PCDHA9: variants seen among roughly 807,000 people sequenced by gnomAD.
The protein encoded by PCDHA9 is protocadherin alpha-9.
A neutral mutation model predicts 62.0 loss-of-function variants in PCDHA9; 62 were observed. The observed-to-expected ratio is 1.00, with a 90% confidence interval of 0.81 to 1.23. The LOEUF (loss-of-function observed/expected upper bound fraction) is 1.23. Among genes scored for constraint, PCDHA9 ranks in the 50% most tolerant of loss-of-function variants. The pLI, the probability that PCDHA9 is intolerant of heterozygous loss-of-function variation, is 0.00. For missense variants in PCDHA9, 1,205 were observed against 1,249.8 expected (o/e 0.96, Z 0.54); for synonymous variants, 557 against 567.6 (o/e 0.98, Z 0.27).
intron 1 of PCDHA9, among the ~76,000 whole-genome samples, chr5:140,888,973 A>G (rs1173174070): frequency 2.6e-5 from 4 of 152,078 alleles, no homozygotes; most frequent in African/African-American, 9.7e-5. Flanking sequence ...TAATGTGTTG[A>G]ATTTATGATT....
At chr5:140,967,128 T>G in intron 1 of PCDHA9, 14 of 1,612,170 alleles carry the variant, frequency 8.7e-6, no homozygotes, top group Non-Finnish European at 1.1e-5. Flanking sequence ...CTGCTCAGCT[T>G]GGAAGTGCTG....
chr5:140,886,158 C>A (rs888588847), intron 1 of PCDHA9, among the ~76,000 whole-genome samples: 2 of 152,142 alleles, frequency 1.3e-5, no homozygotes, highest in South Asian at 4.1e-4. Context: ...CTTTTTATAG[C>A]CACATCTGCT....
At chr5:140,938,205 C>T (rs1435832298) in intron 1 of PCDHA9, among the ~76,000 whole-genome samples, 3 of 152,160 alleles carry the variant, frequency 2.0e-5, no homozygotes, top group Non-Finnish European at 4.4e-5. Context: ...GCCAGCCTCC[C>T]AAAGTGCTGG....
intron 1 of PCDHA9, chr5:140,966,905 T>C (rs1554228876): frequency 1.9e-6 from 3 of 1,600,790 alleles, no homozygotes; most frequent in Non-Finnish European, 2.5e-6. Flanking sequence ...GCTGCGATAC[T>C]CTGTGCCAGA....
At chr5:140,927,395 A>G (rs782188555) in intron 1 of PCDHA9, 3 of 1,614,194 alleles carry the variant, frequency 1.9e-6, no homozygotes, top group South Asian at 2.2e-5. Context: ...CCCAGTCAGC[A>G]CTTTCGCCTG....
chr5:140,861,715 C>A, intron 1 of PCDHA9: 1 of 216,886 alleles, frequency 4.6e-6, no homozygotes, highest in South Asian at 7.0e-5. Flanking sequence ...ACGTCGGGGC[C>A]AATGCTCTGA....
chr5:140,954,025 C>T (rs533473552), intron 1 of PCDHA9, among the ~76,000 whole-genome samples: 385 of 152,188 alleles, frequency 2.5e-3, no homozygotes, highest in Middle Eastern at 0.014. Context: ...CATAGTGGGA[C>T]GATGTGGTAT....
chr5:140,883,332 T>A, intron 1 of PCDHA9: 1 of 1,614,174 alleles, frequency 6.2e-7, no homozygotes, highest in East Asian at 2.2e-5. Context: ...ATCACTTCTT[T>A]GTCACTCCCC....
rs782071598 is a variant in PCDHA9 at position 140,883,785 on chromosome 5, G to C, written c.2394+32896G>C. On this transcript the variant is annotated intron_variant, in intron 1 of 3. Coordinates refer to ENST00000532602, the MANE Select transcript of PCDHA9 (RefSeq NM_031857.2). ...CGGGTGGGCGAGCGTGCGCTGTCGA[G>C]CTACGTGTCGGTGCACGCGGAGAGC... The C allele has an allele frequency of 1.3e-5, 21 of 1,612,402 alleles. No individual in the cohort carries two copies. In the East Asian group the frequency reaches 4.0e-4, roughly 31 times the overall value.
chr5:140,925,082 AAAGGAAGGAAGG>A (rs138596875), intron 1 of PCDHA9, among the ~76,000 whole-genome samples: 78 of 147,388 alleles, frequency 5.3e-4, no homozygotes, highest in African/African-American at 1.8e-3. Context: ...GCTCATCTGG[AAAGGAAGGAAGG>A]AAGGAAGGAA....
intron 3 of PCDHA9, among the ~76,000 whole-genome samples, chr5:141,004,659 G>C (rs1012907350): frequency 1.3e-5 from 2 of 152,182 alleles, no homozygotes; most frequent in Admixed American, 1.3e-4. Context: ...GGCTCTGAGG[G>C]CAACTAAAGG....
At chr5:140,948,942 TA>T (rs34363674) in intron 1 of PCDHA9, among the ~76,000 whole-genome samples, 1 of 151,394 alleles carries the variant, frequency 6.6e-6, no homozygotes, top group Admixed American at 6.6e-5. Context: ...TCTTCTAATA[TA>T]AAAAAATTAA....
At chr5:140,967,492 G>C in intron 1 of PCDHA9, 1 of 1,613,380 alleles carries the variant, frequency 6.2e-7, no homozygotes, top group Non-Finnish European at 8.5e-7. Flanking sequence ...GTACGGCACA[G>C]ATCTCTGTGC....
At chr5:140,877,605 G>A (rs1554169915) in intron 1 of PCDHA9, 1 of 1,613,856 alleles carries the variant, frequency 6.2e-7, no homozygotes, top group Non-Finnish European at 8.5e-7. Context: ...CCAGCCTGCT[G>A]GTGCTCACGC....
chr5:140,927,697 C>T, intron 1 of PCDHA9: 2 of 1,614,170 alleles, frequency 1.2e-6, no homozygotes, highest in Non-Finnish European at 1.7e-6. Flanking sequence ...TGGGGAAGTC[C>T]AGTACTCCCT....
intron 1 of PCDHA9, among the ~76,000 whole-genome samples, chr5:140,963,510 G>A (rs536524403): frequency 1.8e-4 from 28 of 152,328 alleles, no homozygotes; most frequent in Non-Finnish European, 2.8e-4. Flanking sequence ...TCTTGAAGGG[G>A]TTCTCATAAC....
At chr5:140,908,185 G>C (rs1399259532) in intron 1 of PCDHA9, among the ~76,000 whole-genome samples, 1 of 152,148 alleles carries the variant, frequency 6.6e-6, no homozygotes, top group East Asian at 1.9e-4. Flanking sequence ...TCCACTTTCA[G>C]GTGGTGGACA....
chr5:140,929,101 A>G (rs1554206680), intron 1 of PCDHA9: 3 of 1,614,242 alleles, frequency 1.9e-6, no homozygotes, highest in Admixed American at 1.7e-5. Flanking sequence ...AAATCCTTGC[A>G]TGACATCAGC....
chr5:140,896,485 C>G (rs1259028670), intron 1 of PCDHA9, among the ~76,000 whole-genome samples: 1 of 152,032 alleles, frequency 6.6e-6, no homozygotes, highest in Non-Finnish European at 1.5e-5. Context: ...GCCTCAGCCT[C>G]CTGAGTAGCT....
Sources: gnomAD v4.1 joint callset for allele counts (sites outside exome capture counted in the v4.1 genomes callset) on GRCh38, gnomAD v4.1.1 for gene constraint, MANE v1.5 for transcripts, NCBI Gene and HGNC (gene_info 2026-07-23, HGNC 2026-07-21) for gene names.